PLA2R1: variants seen among roughly 807,000 people sequenced by gnomAD.
The protein encoded by PLA2R1 is phospholipase A2 receptor 1.
A neutral mutation model predicts 195.9 loss-of-function variants in PLA2R1; 158 were observed. The observed-to-expected ratio is 0.81, with a 90% CI of 0.71 to 0.92. PLA2R1 has a LOEUF of 0.92. PLA2R1 is among the 40% of genes least tolerant of loss of function. PLA2R1 has a pLI of 0.00. For synonymous variants in PLA2R1, 586 were observed against 598.2 expected (o/e 0.98, Z 0.30); for missense variants, 1,626 against 1,764.6 (o/e 0.92, Z 1.41).
chr2:159,958,362 A>G (rs750187198), intron 20 of PLA2R1, among the ~76,000 whole-genome samples: 1 of 152,116 alleles, frequency 6.6e-6, no homozygotes, highest in South Asian at 2.1e-4. Context: ...TGCCGGCACC[A>G]TGCTTCTTGT....
At chr2:159,976,521 GACT>G (rs1263018609) in intron 16 of PLA2R1, among the ~76,000 whole-genome samples, 161 bp downstream of exon 16, 6 of 152,094 alleles carry the variant, frequency 3.9e-5, no homozygotes, top group Non-Finnish European at 5.9e-5. Context: ...CATATTAAAT[GACT>G]ACATTTATTA....
chr2:159,948,135 C>T (rs562883548), intron 25 of PLA2R1, among the ~76,000 whole-genome samples: 13 of 152,334 alleles, frequency 8.5e-5, no homozygotes, highest in African/African-American at 3.1e-4. Flanking sequence ...CCGGCTCCAC[C>T]ACTTACTAGC....
chr2:159,955,270 T>A lies in PLA2R1; in HGVS notation c.3230A>T (p.His1077Leu), dbSNP rs1185348396. 1 of 1,608,274 alleles carries A rather than the reference T, an allele frequency of 6.2e-7. No homozygotes were observed. Among genetic ancestry groups the A allele is most frequent in the South Asian group, 1.1e-5 (1 of 90,828 alleles). Residue 1077 changes from histidine (H) to leucine (L), a missense_variant, in exon 23 of 30, where the codon CAT (histidine) becomes CTT (leucine). Physicochemically the swap from His to Leu is moderately conservative, Grantham distance 99 (BLOSUM62 -3). Coordinates refer to ENST00000283243, the MANE Select transcript of PLA2R1 (RefSeq NM_007366.5). ...TTCAAAATACCATTTTCCAGTGAAA[T>A]GAAAATTAGGATTACTTGAGAGTAA... is the stretch of plus-strand genomic sequence containing the variant. Reference protein sequence around the residue: ...CALLSSNPNFHFTGKWYFEDC... With the variant: ...CALLSSNPNFLFTGKWYFEDC...
chr2:160,045,356 C>G (rs1694794064), intron 1 of PLA2R1, among the ~76,000 whole-genome samples, 199 bp from the exon 2 acceptor site: 1 of 152,126 alleles, frequency 6.6e-6, no homozygotes, highest in South Asian at 2.1e-4. Context: ...CATAAAAGGT[C>G]TTACTGGAGC....
In PLA2R1 at chr2:159,979,916, T is replaced by C. The variant is rs764262710; in HGVS notation, c.2184-2A>G. ...ATCCAGAACTGCCTTTCTTCTGTCC[T>C]GTAAAGAGAAGAAACAAAAGCTTTG... On this transcript the variant is annotated splice_acceptor_variant, in intron 13 of 29. Transcript: ENST00000283243. LOFTEE classifies it high-confidence loss of function. 1.9e-6 allele frequency: 3 copies of C among 1,565,774 alleles called. No homozygotes were observed. In the South Asian group the frequency reaches 3.4e-5, roughly 18 times the overall value.
rs1691934493 is a variant in PLA2R1 at position 160,005,689 on chromosome 2, C to A, written c.1797G>T (p.Glu599Asp). ...YTWKPVGQKP[E>D]PVQYTHWNTH... Reference sequence around the variant, plus strand: ...TGTTCCAGTGTGTGTACTGCACCGGCTCGGGTTTCTGCCCTACTGGCTTCC... The same window carrying A: ...TGTTCCAGTGTGTGTACTGCACCGGATCGGGTTTCTGCCCTACTGGCTTCC... The change falls in exon 11 of 30, where the codon GAG becomes GAT. Residue 599 changes from glutamate to aspartate, a missense_variant. Physicochemically the swap from Glu to Asp is conservative, Grantham distance 45 (BLOSUM62 2). Coordinates refer to ENST00000283243, the MANE Select transcript of PLA2R1 (RefSeq NM_007366.5). The A allele has an allele frequency of 4.3e-6, 7 of 1,614,110 alleles. No individual in the cohort carries two copies. The highest frequency in any genetic ancestry group is 5.9e-6 in the Non-Finnish European group (7 of 1,179,982).
intron 11 of PLA2R1, among the ~76,000 whole-genome samples, chr2:160,004,117 T>G (rs1285192235): frequency 6.6e-6 from 1 of 152,124 alleles, no homozygotes; most frequent in African/African-American, 2.4e-5. Context: ...GTTGGGAAGG[T>G]GAAGAGAAAG....
rs1010035068 is a variant in PLA2R1, at chr2:159,934,095, A to G, written c.*7683T>C. ...ATTCCAAGCATGTATCTTGATAATC[A>G]CTACAGTCAAAGTTTCTTATAAATG... On this transcript the variant is annotated 3_prime_UTR_variant, in exon 30 of 30. Transcript: ENST00000283243. 3 of 152,218 alleles carry G rather than the reference A, an allele frequency of 2.0e-5. No homozygotes were observed. Among genetic ancestry groups the G allele is most frequent in the Non-Finnish European group, 4.4e-5 (3 of 68,036 alleles). 9.4% of individuals were successfully genotyped at this position (152,218 alleles called of 1,614,324 possible). A position where few individuals can be genotyped will look rare whatever the true frequency, so the allele number is the denominator to read the frequency against.
intron 13 of PLA2R1, among the ~76,000 whole-genome samples, chr2:159,983,674 C>T (rs1374335650): frequency 6.6e-6 from 1 of 152,058 alleles, no homozygotes; most frequent in Non-Finnish European, 1.5e-5. Context: ...GGCAGGAAAG[C>T]TCTACAGTTC....
chr2:159,984,055 C>T lies in PLA2R1; in HGVS notation c.2056G>A (p.Val686Ile), dbSNP rs770578914. The change falls in exon 13 of 30, where the codon GTT (valine) becomes ATT (isoleucine). Residue 686 changes from valine to isoleucine, a missense_variant. By Grantham distance (29) the Val-to-Ile change is conservative (BLOSUM62 3). Transcript: ENST00000283243. ...TCTCTCCATGTTCTTTTCATCAGAA[C>T]TTTTTCACTATGAAATACCTGTATA... ...SCFKVFHSEK[V>I]LMKRTWREAE... 1.3e-6 allele frequency: 2 copies of T among 1,563,308 alleles called. No homozygotes were observed. Among genetic ancestry groups the T allele is most frequent in the East Asian group, 2.2e-5 (1 of 44,552 alleles).
At chr2:159,954,478 C>T (rs377183607) in intron 23 of PLA2R1, among the ~76,000 whole-genome samples, 2 of 150,384 alleles carry the variant, frequency 1.3e-5, no homozygotes, top group African/African-American at 4.9e-5. Flanking sequence ...CACACGTATG[C>T]CACATTAAGA....
intron 23 of PLA2R1, among the ~76,000 whole-genome samples, chr2:159,953,938 A>T (rs953087527): frequency 1.3e-5 from 2 of 152,138 alleles, no homozygotes; most frequent in Non-Finnish European, 2.9e-5. Flanking sequence ...GGTTCAAGCG[A>T]TTCTCATGCC....
intron 20 of PLA2R1, among the ~76,000 whole-genome samples, chr2:159,962,348 C>T (rs1273061774): frequency 6.6e-6 from 1 of 152,130 alleles, no homozygotes; most frequent in African/African-American, 2.4e-5. Context: ...CACATCAGGC[C>T]AGTTAGAATG....
chr2:160,015,938 C>T (rs1473488914), intron 9 of PLA2R1, among the ~76,000 whole-genome samples: 2 of 152,168 alleles, frequency 1.3e-5, no homozygotes, highest in African/African-American at 4.8e-5. Context: ...CTCAGAGGAA[C>T]ACAATTGTTT....
intron 25 of PLA2R1, among the ~76,000 whole-genome samples, chr2:159,948,056 T>C (rs144190725): frequency 2.0e-4 from 30 of 152,182 alleles, no homozygotes; most frequent in African/African-American, 7.0e-4. Flanking sequence ...ATAAAATAAA[T>C]AAGGGAACTC....
chr2:159,969,789 C>A (rs1435733029), intron 18 of PLA2R1, among the ~76,000 whole-genome samples: 3 of 152,258 alleles, frequency 2.0e-5, no homozygotes, highest in East Asian at 3.9e-4. Flanking sequence ...GCGATCCGCC[C>A]TCCTTGGCCT....
At chr2:160,015,464 G>C (rs1393422177) in intron 9 of PLA2R1, among the ~76,000 whole-genome samples, 4 of 152,104 alleles carry the variant, frequency 2.6e-5, no homozygotes, top group Non-Finnish European at 5.9e-5. Context: ...TTTAAATACT[G>C]GTAATGCTGG....
chr2:160,009,534 G>A (rs1692217811), intron 10 of PLA2R1, among the ~76,000 whole-genome samples: 1 of 152,150 alleles, frequency 6.6e-6, no homozygotes, highest in South Asian at 2.1e-4. Context: ...GGGAGGAGGG[G>A]AGAATAGGCA....
chr2:160,042,310 C>T (rs1289993080), intron 2 of PLA2R1, 112 bp from the exon 3 acceptor site: 2 of 807,760 alleles, frequency 2.5e-6, no homozygotes, highest in Non-Finnish European at 4.0e-6. Flanking sequence ...GGGGCAGATA[C>T]TCACTACAGC....
Sources: allele counts gnomAD v4.1 joint callset (sites outside exome capture counted in the v4.1 genomes callset), GRCh38; gene constraint gnomAD v4.1.1; transcripts MANE v1.5; gene names NCBI Gene and HGNC (gene_info 2026-07-23, HGNC 2026-07-21).